The following NTM variants were observed in gnomAD, a reference collection of about 807,000 sequenced individuals.
NTM encodes IgLON family member 2.
A neutral mutation model predicts 42.1 loss-of-function variants in NTM; 13 were observed. The ratio of observed to expected loss-of-function variants is 0.31; its 90% CI spans 0.20 to 0.49. The LOEUF is 0.49. NTM is among the 20% of genes least tolerant of loss of function. The pLI is 0.99. For synonymous variants in NTM, 187 were observed against 179.2 expected (o/e 1.04, Z -0.35); for missense variants, 373 against 452.8 (o/e 0.82, Z 1.60).
At chr11:131,979,627 A>G (rs1200274380) in intron 2 of NTM, among the ~76,000 whole-genome samples, 1 of 152,202 alleles carries the variant, frequency 6.6e-6, no homozygotes, top group Non-Finnish European at 1.5e-5. Flanking sequence ...TGGTAATCCA[A>G]TAAGGGGTTA....
At chr11:132,177,961 G>A (rs193211925) in intron 3 of NTM, among the ~76,000 whole-genome samples, 23 of 152,272 alleles carry the variant, frequency 1.5e-4, no homozygotes, top group Non-Finnish European at 2.8e-4. Flanking sequence ...ATGTTCCAAC[G>A]CAATTTTATT....
Position 131,370,769 on chromosome 11 carries a change from C to T in NTM, c.-38C>T, listed in dbSNP as rs1388698914. The T allele has an allele frequency of 1.1e-5, 18 of 1,565,956 alleles. No homozygotes were observed. Among genetic ancestry groups the T allele is most frequent in the Non-Finnish European group, 1.5e-5 (17 of 1,141,528 alleles). ...GAAAGAAAGAAAGAAAAAAACCGAA[C>T]CTGACAAAAAAGAAGAAAAAGAAGA... On this transcript the variant is annotated 5_prime_UTR_variant, in exon 1 of 9. Transcript: ENST00000683400.
chr11:132,170,087 A>T (rs547086551), intron 3 of NTM, among the ~76,000 whole-genome samples: 59 of 152,330 alleles, frequency 3.9e-4, no homozygotes, highest in Non-Finnish European at 6.6e-4. Context: ...GCTGTGAGCC[A>T]AGTGCTGACT....
At chr11:131,910,305 G>A (rs1171510787) in intron 1 of NTM, among the ~76,000 whole-genome samples, 1 of 152,180 alleles carries the variant, frequency 6.6e-6, no homozygotes, top group East Asian at 1.9e-4. Context: ...ATTAGTTTGT[G>A]ACCCTTATTA....
chr11:131,456,087 G>A (rs948214842), intron 1 of NTM, among the ~76,000 whole-genome samples: 2 of 152,234 alleles, frequency 1.3e-5, no homozygotes, highest in Admixed American at 6.5e-5. Flanking sequence ...GTGACCTTGA[G>A]CAGTAGGATA....
intron 1 of NTM, among the ~76,000 whole-genome samples, chr11:131,564,368 G>A (rs1056880091): frequency 2.6e-5 from 4 of 152,198 alleles, no homozygotes; most frequent in African/African-American, 9.7e-5. Context: ...TGGTTTTGGT[G>A]AGGACTCTCT....
chr11:131,499,309 C>T (rs897108810), intron 1 of NTM, among the ~76,000 whole-genome samples: 11 of 152,116 alleles, frequency 7.2e-5, no homozygotes, highest in Admixed American at 2.6e-4. Context: ...CTCAGAGCCT[C>T]GGCTTCCTAA....
intron 4 of NTM, among the ~76,000 whole-genome samples, chr11:132,240,618 A>G (rs2090028649): frequency 6.6e-6 from 1 of 152,228 alleles, no homozygotes; most frequent in African/African-American, 2.4e-5. Context: ...GAGACTACGC[A>G]TTTGCCAGAA....
chr11:131,586,047 T>A (rs1351557956), intron 1 of NTM, among the ~76,000 whole-genome samples: 3 of 152,168 alleles, frequency 2.0e-5, no homozygotes, highest in Non-Finnish European at 4.4e-5. Flanking sequence ...AATTACACAC[T>A]GTCATAGGTA....
chr11:132,065,817 C>G (rs2056393094), intron 2 of NTM, among the ~76,000 whole-genome samples: 1 of 152,158 alleles, frequency 6.6e-6, no homozygotes, highest in African/African-American at 2.4e-5. Flanking sequence ...AGCAGGTGCT[C>G]TTATCTTTAT....
At chr11:131,918,569 A>G (rs570678901) in intron 2 of NTM, among the ~76,000 whole-genome samples, 2 of 152,268 alleles carry the variant, frequency 1.3e-5, no homozygotes, top group South Asian at 4.1e-4. Context: ...TCACATACTC[A>G]GGTGGGTGCT....
intron 1 of NTM, among the ~76,000 whole-genome samples, chr11:131,420,975 T>G (rs1489524560): frequency 6.6e-6 from 1 of 152,012 alleles, no homozygotes; most frequent in Non-Finnish European, 1.5e-5. Context: ...CTTTCTCCCT[T>G]GCCCTCTCAT....
At chr11:131,522,465 C>A (rs2049887875) in intron 1 of NTM, among the ~76,000 whole-genome samples, 1 of 152,038 alleles carries the variant, frequency 6.6e-6, no homozygotes, top group Non-Finnish European at 1.5e-5. Flanking sequence ...TATTTCATAA[C>A]AACCACTGAG....
chr11:131,873,597 T>C (rs952554641), intron 1 of NTM, among the ~76,000 whole-genome samples: 2 of 68,902 alleles, frequency 2.9e-5, no homozygotes, highest in African/African-American at 1.0e-4. Flanking sequence ...CGTATATATA[T>C]ACATATATAT....
intron 1 of NTM, among the ~76,000 whole-genome samples, chr11:131,606,102 G>C (rs764879405): frequency 2.9e-4 from 44 of 152,042 alleles, no homozygotes; most frequent in Non-Finnish European, 4.9e-4. Context: ...GGAGTGCAGT[G>C]GTGCCATCGC....
intron 8 of NTM, among the ~76,000 whole-genome samples, chr11:132,333,355 C>G (rs1020318349): frequency 6.6e-6 from 1 of 152,018 alleles, no homozygotes; most frequent in African/African-American, 2.4e-5. Context: ...AGTCTCTCAC[C>G]CTTGAAGGCA....
intron 1 of NTM, among the ~76,000 whole-genome samples, chr11:131,692,423 C>A (rs1476379539): frequency 6.6e-6 from 1 of 152,224 alleles, no homozygotes; most frequent in African/African-American, 2.4e-5. Context: ...CTGAGTGATG[C>A]TGACACAGGG....
intron 1 of NTM, among the ~76,000 whole-genome samples, chr11:131,607,042 G>A (rs2061029824): frequency 6.6e-6 from 1 of 152,194 alleles, no homozygotes; most frequent in South Asian, 2.1e-4. Context: ...AATCCCCTTT[G>A]ATGCCCTGAG....
intron 1 of NTM, chr11:131,660,936 A>T (rs1182801083): frequency 7.7e-7 from 1 of 1,303,082 alleles, no homozygotes; most frequent in Admixed American, 2.3e-5. Context: ...TAGGTAAGTG[A>T]CATTTCATTC....
Sources: gnomAD v4.1 joint callset for allele counts (sites outside exome capture counted in the v4.1 genomes callset) on GRCh38, gnomAD v4.1.1 for gene constraint, MANE v1.5 for transcripts, NCBI Gene and HGNC (gene_info 2026-07-23, HGNC 2026-07-21) for gene names.